ZMYND11: variants seen among roughly 807,000 people sequenced by gnomAD.
ZMYND11 encodes the protein zinc finger MYND domain-containing protein 11.
Under a neutral mutation model 84.9 loss-of-function variants are expected in ZMYND11, and 9 were observed. That is an observed-to-expected ratio of 0.11 (90% CI 0.06 to 0.18). The LOEUF (loss-of-function observed/expected upper bound fraction) is 0.18, where lower values mean the gene tolerates loss of function less well. ZMYND11 is among the 10% of genes least tolerant of loss of function. The pLI, the probability that ZMYND11 is intolerant of heterozygous loss-of-function variation, is 1.00. For synonymous variants in ZMYND11, 250 were observed against 244.1 expected (o/e 1.02, Z -0.23); for missense variants, 409 against 761.0 (o/e 0.54, Z 5.44).
chr10:209,025 A>ATATATG (rs1944692955), intron 2 of ZMYND11, among the ~76,000 whole-genome samples: 1 of 151,962 alleles, frequency 6.6e-6, no homozygotes, highest in African/African-American at 2.4e-5. Context: ...GTGTGTATAT[A>ATATATG]TATATGTATA....
chr10:226,308 T>C (rs1189926093), intron 4 of ZMYND11, among the ~76,000 whole-genome samples: 1 of 152,230 alleles, frequency 6.6e-6, no homozygotes, highest in Non-Finnish European at 1.5e-5. Context: ...GTGTTGCTTT[T>C]GCTCTAATGC....
intron 4 of ZMYND11, among the ~76,000 whole-genome samples, chr10:229,686 A>G (rs1435621999): frequency 6.6e-6 from 1 of 152,122 alleles, no homozygotes; most frequent in Non-Finnish European, 1.5e-5. Flanking sequence ...ACAGGAGTGT[A>G]TTTTTAGAAA....
chr10:136,023 C>T (rs1204612628), intron 1 of ZMYND11, among the ~76,000 whole-genome samples: 2 of 151,768 alleles, frequency 1.3e-5, no homozygotes, highest in African/African-American at 4.8e-5. Flanking sequence ...CGTTTGTCGG[C>T]GCGGCACGTC....
At chr10:216,586 A>G (rs1022959128) in intron 3 of ZMYND11, among the ~76,000 whole-genome samples, 4 of 152,168 alleles carry the variant, frequency 2.6e-5, no homozygotes, top group African/African-American at 9.6e-5. Flanking sequence ...CCAAATGTCC[A>G]TGCCCTATCT....
At chr10:156,462 T>G (rs1376656791) in intron 1 of ZMYND11, among the ~76,000 whole-genome samples, 1 of 152,254 alleles carries the variant, frequency 6.6e-6, no homozygotes, top group Non-Finnish European at 1.5e-5. Context: ...AAATCAAACC[T>G]TACTGTATTT....
chr10:198,896 A>G (rs2131046720), intron 2 of ZMYND11, among the ~76,000 whole-genome samples: 1 of 152,310 alleles, frequency 6.6e-6, no homozygotes, highest in African/African-American at 2.4e-5. Context: ...TCAAATCAGG[A>G]ATTGACATGA....
intron 1 of ZMYND11, among the ~76,000 whole-genome samples, chr10:171,622 T>G (rs1845342105): frequency 6.6e-6 from 1 of 152,146 alleles, no homozygotes; most frequent in Admixed American, 6.6e-5. Context: ...TAAAAATAGT[T>G]TATCAAAATC....
chr10:251,113 C>T (rs1953395984), intron 14 of ZMYND11, among the ~76,000 whole-genome samples: 1 of 152,130 alleles, frequency 6.6e-6, no homozygotes. Flanking sequence ...GTAGGTATGC[C>T]AGATGCCGAA....
At chr10:205,811 G>A (rs896573593) in intron 2 of ZMYND11, among the ~76,000 whole-genome samples, 13 of 149,710 alleles carry the variant, frequency 8.7e-5, no homozygotes, top group African/African-American at 2.0e-4. Flanking sequence ...TTTTTGACTC[G>A]GTGGTTGTTT....
At chr10:191,445 C>T (rs529065462) in intron 2 of ZMYND11, among the ~76,000 whole-genome samples, 2 of 152,244 alleles carry the variant, frequency 1.3e-5, no homozygotes, top group Non-Finnish European at 2.9e-5. Context: ...TAAATTAGCC[C>T]CACCTTATAG....
chr10:141,210 CTA>C (rs1307576691), intron 1 of ZMYND11, among the ~76,000 whole-genome samples: 1 of 152,144 alleles, frequency 6.6e-6, no homozygotes, highest in Non-Finnish European at 1.5e-5. Context: ...AAAATATTGT[CTA>C]TTTTCATATA....
At chr10:150,227 G>A (rs1387115443) in intron 1 of ZMYND11, among the ~76,000 whole-genome samples, 1 of 152,182 alleles carries the variant, frequency 6.6e-6, no homozygotes, top group Non-Finnish European at 1.5e-5. Flanking sequence ...ATTTGGCTGT[G>A]AATCCGTCTG....
Position 237,626 on chromosome 10 carries a change from G to T in ZMYND11, c.558G>T (p.Pro186=). 1 of 1,613,536 alleles carries T rather than the reference G, an allele frequency of 6.2e-7. No individual in the cohort carries two copies. Residue 186 remains proline (P), a synonymous_variant, in exon 6 of 15, where the codon CCG becomes CCT. Coordinates refer to ENST00000381604, the MANE Select transcript of ZMYND11 (RefSeq NM_001370100.5). Reference sequence around the variant, plus strand: ...AAAAGGGGAAGGACAATAAACACCCGATGTACAGGAGGCTGGTGCACTCAG... The same window carrying T: ...AAAAGGGGAAGGACAATAAACACCCTATGTACAGGAGGCTGGTGCACTCAG... ...LNKKGKDNKH[P]MYRRLVHSAV...
chr10:246,030 C>T (rs1269220914), intron 10 of ZMYND11, among the ~76,000 whole-genome samples: 4 of 152,162 alleles, frequency 2.6e-5, no homozygotes, highest in Admixed American at 1.3e-4. Flanking sequence ...ATCTGTTGAA[C>T]ACAACATTTG....
At chr10:189,145 G>A (rs1420323972) in intron 2 of ZMYND11, among the ~76,000 whole-genome samples, 1 of 152,184 alleles carries the variant, frequency 6.6e-6, no homozygotes, top group Non-Finnish European at 1.5e-5. Flanking sequence ...GACCTCTTGT[G>A]ACATGTTTGG....
upstream of ZMYND11, among the ~76,000 whole-genome samples, chr10:130,303 T>A (rs1835286427): frequency 6.6e-6 from 1 of 152,084 alleles, no homozygotes; most frequent in African/African-American, 2.4e-5. Context: ...TGGGGAGCAA[T>A]GAGGAACTGG....
Position 221,241 on chromosome 10 carries a change from T to G in ZMYND11, c.323T>G (p.Leu108Trp), listed in dbSNP as rs1406969608. ...GACTGGTATTGTTTTGAATGCCATT[T>G]GCCTGGAGAGGTGTTGATATGTGAC... ...NHDWYCFECHLPGEVLICDLC... is the reference protein window; with the variant it reads ...NHDWYCFECHWPGEVLICDLC... Residue 108 changes from leucine (L) to tryptophan (W), a missense_variant, in exon 4 of 15, where the codon TTG (leucine) becomes TGG (tryptophan). Leu to Trp is a moderately conservative substitution (Grantham distance 61). Around this residue, in one of 7 missense-constraint regions of ZMYND11, gnomAD observed 73 missense variants for 185.8 expected, o/e 0.39. Transcript: ENST00000381604. 7.4e-6 allele frequency: 12 copies of G among 1,613,866 alleles called. No homozygotes were observed. The highest frequency in any genetic ancestry group is 8.5e-6 in the Non-Finnish European group (10 of 1,179,888).
intron 4 of ZMYND11, among the ~76,000 whole-genome samples, chr10:227,954 CATTA>C (rs1286150006): frequency 6.6e-5 from 10 of 152,030 alleles, no homozygotes; most frequent in Admixed American, 2.0e-4. Context: ...AACTAATGAA[CATTA>C]ATCAAATATT....
At chr10:205,188 A>T (rs192467337) in intron 2 of ZMYND11, among the ~76,000 whole-genome samples, 29 of 152,250 alleles carry the variant, frequency 1.9e-4, no homozygotes, top group African/African-American at 7.0e-4. Flanking sequence ...GTTCTGTTTT[A>T]TTCTGTGTTC....
Sources: gnomAD v4.1 joint callset for allele counts (sites outside exome capture counted in the v4.1 genomes callset) on GRCh38, gnomAD v4.1.1 for gene constraint, gnomAD v4.1.1 regional missense constraint, MANE v1.5 for transcripts, NCBI Gene and HGNC (gene_info 2026-07-23, HGNC 2026-07-21) for gene names.